The following ZNF69 variants were observed in gnomAD, a reference collection of about 807,000 sequenced individuals.
ZNF69 encodes zinc finger protein 69.
ZNF69 carries 47 observed loss-of-function variants against 50.9 expected under a neutral mutation model. That is an observed-to-expected ratio of 0.92 (90% CI 0.73 to 1.18). The LOEUF (loss-of-function observed/expected upper bound fraction) is 1.18. Ranked by LOEUF, ZNF69 falls within the 50% of genes most tolerant of loss-of-function variation. The pLI is 0.00. For missense variants in ZNF69, 717 were observed against 675.1 expected, an observed-to-expected ratio of 1.06 and a Z score of -0.69; for synonymous variants, 216 against 223.1, an observed-to-expected ratio of 0.97 and a Z score of 0.29.
the ZNF69 span, among the ~76,000 whole-genome samples, chr19:11,957,161 A>G: frequency 6.8e-6 from 1 of 147,658 alleles, no homozygotes; most frequent in Non-Finnish European, 1.5e-5. Context: ...GCACGATCTC[A>G]GCTCACTGCA....
chr19:11,900,667 AT>A (rs1972224975), intron 1 of ZNF69, among the ~76,000 whole-genome samples: 1 of 151,812 alleles, frequency 6.6e-6, no homozygotes, highest in South Asian at 2.1e-4. Flanking sequence ...TTATTTTTTG[AT>A]TGGTTGGTTT....
chr19:11,907,168 G>A (rs986789053), downstream of ZNF69, among the ~76,000 whole-genome samples: 2 of 152,138 alleles, frequency 1.3e-5, no homozygotes, highest in African/African-American at 4.8e-5. Context: ...CAAGAAATAT[G>A]GGACTATGTG....
At chr19:11,892,319 G>A (rs762865234) in intron 1 of ZNF69, among the ~76,000 whole-genome samples, 6 of 151,936 alleles carry the variant, frequency 3.9e-5, no homozygotes, top group Admixed American at 1.3e-4. Flanking sequence ...TTCCCCCAGC[G>A]CTTGTTTTCT....
the ZNF69 span, among the ~76,000 whole-genome samples, chr19:11,952,122 TG>T: frequency 6.6e-6 from 1 of 151,856 alleles, no homozygotes; most frequent in Non-Finnish European, 1.5e-5. Context: ...GAGGTTGCAG[TG>T]AGCCAAGATG....
chr19:11,916,240 A>G (rs542214065), downstream of ZNF69, among the ~76,000 whole-genome samples: 4 of 152,322 alleles, frequency 2.6e-5, 1 homozygote, highest in African/African-American at 9.6e-5. Context: ...GTAAAAATAG[A>G]AATATTAAAT....
chr19:11,931,189 G>A, the ZNF69 span, among the ~76,000 whole-genome samples: 1 of 147,726 alleles, frequency 6.8e-6, no homozygotes, highest in Admixed American at 6.6e-5. Flanking sequence ...CCATAGACTG[G>A]GTGACTTAAA....
At chr19:11,892,690 T>C (rs1279581853) in intron 1 of ZNF69, among the ~76,000 whole-genome samples, 1 of 152,048 alleles carries the variant, frequency 6.6e-6, no homozygotes, top group Non-Finnish European at 1.5e-5. Flanking sequence ...TACAAAACAC[T>C]ATAGGTAAGA....
the ZNF69 span, among the ~76,000 whole-genome samples, chr19:11,970,994 G>A: frequency 6.6e-6 from 1 of 151,986 alleles, no homozygotes; most frequent in African/African-American, 2.4e-5. Context: ...GTTTTCCATT[G>A]GTCTGTCCTT....
chr19:11,949,535 G>C, the ZNF69 span: 1 of 1,611,368 alleles, frequency 6.2e-7, no homozygotes. Context: ...ATGCCCTCTG[G>C]AGAAAGACCT....
At chr19:11,922,680 A>G in the ZNF69 span, among the ~76,000 whole-genome samples, 1 of 150,486 alleles carries the variant, frequency 6.6e-6, no homozygotes, top group East Asian at 2.0e-4. Flanking sequence ...TCCGCCTGGT[A>G]AATCCTCAGT....
the ZNF69 span, among the ~76,000 whole-genome samples, chr19:11,935,231 T>G: frequency 2.5e-4 from 36 of 142,180 alleles, no homozygotes; most frequent in African/African-American, 9.4e-4. Context: ...TGGAAAGATC[T>G]TGTTTTTTTT....
chr19:11,966,753 G>C, the ZNF69 span, among the ~76,000 whole-genome samples: 1 of 152,148 alleles, frequency 6.6e-6, no homozygotes, highest in African/African-American at 2.4e-5. Flanking sequence ...ATAAATGCTT[G>C]ATTGGTTGCA....
chr19:11,934,180 T>A, the ZNF69 span, among the ~76,000 whole-genome samples: 1 of 144,350 alleles, frequency 6.9e-6, no homozygotes, highest in Admixed American at 6.7e-5. Flanking sequence ...ACCTCATCTA[T>A]TTTTTTTTAA....
chr19:11,893,489 T>C (rs1207935858), intron 1 of ZNF69, among the ~76,000 whole-genome samples: 1 of 152,218 alleles, frequency 6.6e-6, no homozygotes, highest in Non-Finnish European at 1.5e-5. Context: ...GAATAACCAC[T>C]AGACATTTTC....
the ZNF69 span, among the ~76,000 whole-genome samples, chr19:11,922,395 G>A: frequency 2.2e-4 from 34 of 152,146 alleles, no homozygotes; most frequent in African/African-American, 7.0e-4. Flanking sequence ...TTTTGGATAT[G>A]AATCGTCTGA....
At chr19:11,940,737 A>G in the ZNF69 span, among the ~76,000 whole-genome samples, 1 of 152,186 alleles carries the variant, frequency 6.6e-6, no homozygotes, top group African/African-American at 2.4e-5. Context: ...CCCCACCCAC[A>G]TCCTGCTGAT....
At chr19:11,978,418 A>T in the ZNF69 span, 1 of 1,614,228 alleles carries the variant, frequency 6.2e-7, no homozygotes, top group South Asian at 1.1e-5. Context: ...CAAGAAAGGA[A>T]TCACACCGGA....
In ZNF69 at chr19:11,905,251, T is replaced by A; in HGVS notation, c.854T>A (p.Phe285Tyr). 1 of 1,614,130 alleles carries A rather than the reference T, an allele frequency of 6.2e-7. No individual in the cohort carries two copies. Among genetic ancestry groups the A allele is most frequent in the Non-Finnish European group, 8.5e-7 (1 of 1,180,018 alleles). The change falls in exon 4 of 4, where the codon TTT (phenylalanine) becomes TAT (tyrosine). Residue 285 changes from phenylalanine to tyrosine, a missense_variant. Coordinates refer to ENST00000429654, the MANE Select transcript of ZNF69 (RefSeq NM_001364730.1). Reference protein sequence around the residue: ...PYECQQCGKAFHSPRCYRRHE... With the variant: ...PYECQQCGKAYHSPRCYRRHE... ...GAATGTCAGCAATGTGGGAAAGCAT[T>A]TCATAGTCCCAGATGCTATCGTAGA...
chr19:11,888,032 T>C, intron 1 of ZNF69, 46 bp downstream of exon 1: 1 of 1,587,268 alleles, frequency 6.3e-7, no homozygotes. Flanking sequence ...AGGGGCTGCC[T>C]GGACCGACCG....
Sources: gnomAD v4.1 joint callset for allele counts (sites outside exome capture counted in the v4.1 genomes callset) on GRCh38, gnomAD v4.1.1 for gene constraint, MANE v1.5 for transcripts, NCBI Gene and HGNC (gene_info 2026-07-23, HGNC 2026-07-21) for gene names.